Variants in MYO1D observed in about 807,000 individuals in gnomAD.
MYO1D encodes the protein unconventional myosin-Id.
In MYO1D, 83 loss-of-function variants were observed where a neutral mutation model predicts 122.0. The ratio of observed to expected loss-of-function variants is 0.68; its 90% confidence interval spans 0.57 to 0.82. The LOEUF (loss-of-function observed/expected upper bound fraction) is 0.82, where lower values mean the gene tolerates loss of function less well. Ranked by LOEUF, MYO1D falls within the 40% of genes least tolerant of loss-of-function variation. The pLI is 0.00. For missense variants in MYO1D, 1,157 were observed against 1,269.5 expected (o/e 0.91, Z 1.35); for synonymous variants, 464 against 446.9 (o/e 1.04, Z -0.48).
At chr17:32,774,691 T>C (rs2090156189) in intron 4 of MYO1D, among the ~76,000 whole-genome samples, 1 of 152,216 alleles carries the variant, frequency 6.6e-6, no homozygotes, top group Non-Finnish European at 1.5e-5. Flanking sequence ...AGTGAACTGA[T>C]GAAACATTCT....
At chr17:32,740,726 C>T (rs1381154554) in intron 13 of MYO1D, among the ~76,000 whole-genome samples, 3 of 152,164 alleles carry the variant, frequency 2.0e-5, no homozygotes, top group Non-Finnish European at 4.4e-5. Flanking sequence ...TCTCCCACCT[C>T]AGCCTCCCAA....
intron 1 of MYO1D, among the ~76,000 whole-genome samples, chr17:32,795,829 C>T (rs760060200): frequency 2.8e-4 from 43 of 152,050 alleles, no homozygotes; most frequent in African/African-American, 4.1e-4. Context: ...CGTCAGACTA[C>T]GACACTTCCT....
chr17:32,530,258 G>A (rs1910467593), intron 21 of MYO1D, among the ~76,000 whole-genome samples: 1 of 152,098 alleles, frequency 6.6e-6, no homozygotes, highest in African/African-American at 2.4e-5. Flanking sequence ...TATAAAATAG[G>A]CTTAATACAT....
At chr17:32,553,577 C>G (rs1398596506) in intron 21 of MYO1D, among the ~76,000 whole-genome samples, 1 of 152,172 alleles carries the variant, frequency 6.6e-6, no homozygotes, top group Non-Finnish European at 1.5e-5. Flanking sequence ...AGGTATCTTG[C>G]TAGAAAGTTC....
chr17:32,833,648 T>TC (rs1388221094), intron 1 of MYO1D, among the ~76,000 whole-genome samples: 1 of 152,156 alleles, frequency 6.6e-6, no homozygotes, highest in African/African-American at 2.4e-5. Context: ...CTGACCCTGA[T>TC]CCACCCACAG....
intron 21 of MYO1D, among the ~76,000 whole-genome samples, chr17:32,556,176 G>A (rs1444309160): frequency 6.6e-6 from 1 of 152,212 alleles, no homozygotes; most frequent in East Asian, 1.9e-4. Flanking sequence ...AAGACCAACT[G>A]CTTTGTAAAG....
chr17:32,713,286 AC>A (rs1181871632), intron 15 of MYO1D, among the ~76,000 whole-genome samples: 1 of 152,122 alleles, frequency 6.6e-6, no homozygotes, highest in Non-Finnish European at 1.5e-5. Flanking sequence ...CTGTTCCAAC[AC>A]TATTAAAAAG....
chr17:32,813,337 G>A (rs1772037690), intron 1 of MYO1D, among the ~76,000 whole-genome samples: 3 of 152,230 alleles, frequency 2.0e-5, no homozygotes, highest in Non-Finnish European at 2.9e-5. Context: ...AAAGGAAAAT[G>A]TAACAAAGGA....
At chr17:32,578,027 C>T (rs1329733201) in intron 21 of MYO1D, among the ~76,000 whole-genome samples, 1 of 152,230 alleles carries the variant, frequency 6.6e-6, no homozygotes, top group Non-Finnish European at 1.5e-5. Context: ...GCGTGAGCCA[C>T]CGCGCCCAGC....
chr17:32,512,013 A>C (rs898306770), intron 21 of MYO1D, among the ~76,000 whole-genome samples: 10 of 152,182 alleles, frequency 6.6e-5, no homozygotes, highest in Non-Finnish European at 1.0e-4. Context: ...TATTAAAAAG[A>C]GAGCTGGCTG....
At chr17:32,828,903 C>A (rs115044351) in intron 1 of MYO1D, among the ~76,000 whole-genome samples, 1 of 152,164 alleles carries the variant, frequency 6.6e-6, no homozygotes, top group South Asian at 2.1e-4. Context: ...GAGGCACACA[C>A]ATACAAGTCG....
intron 21 of MYO1D, among the ~76,000 whole-genome samples, chr17:32,572,825 G>A (rs760350918): frequency 4.6e-5 from 7 of 151,684 alleles, no homozygotes; most frequent in East Asian, 1.9e-4. Context: ...CCTTCTTCTC[G>A]TCATTCAAAT....
intron 21 of MYO1D, among the ~76,000 whole-genome samples, chr17:32,554,431 T>C (rs2087050198): frequency 6.6e-6 from 1 of 152,176 alleles, no homozygotes; most frequent in Admixed American, 6.5e-5. Context: ...ATCTTTGAAA[T>C]ACAGAAATCT....
At chr17:32,607,237 C>T (rs1022184241) in intron 20 of MYO1D, among the ~76,000 whole-genome samples, 1 of 151,764 alleles carries the variant, frequency 6.6e-6, no homozygotes, top group Non-Finnish European at 1.5e-5. Flanking sequence ...ACATGATTGC[C>T]TACATAGAAA....
chr17:32,578,362 A>G (rs2087298153), intron 21 of MYO1D, among the ~76,000 whole-genome samples: 1 of 152,216 alleles, frequency 6.6e-6, no homozygotes, highest in Non-Finnish European at 1.5e-5. Context: ...TCAGGATCAA[A>G]CACCCACATT....
chr17:32,829,601 G>A (rs1165367920), intron 1 of MYO1D, among the ~76,000 whole-genome samples: 3 of 152,170 alleles, frequency 2.0e-5, no homozygotes, highest in Non-Finnish European at 4.4e-5. Context: ...CTACAGAAGT[G>A]TGCCACCAAG....
intron 1 of MYO1D, among the ~76,000 whole-genome samples, chr17:32,838,029 T>A (rs1184814197): frequency 6.6e-6 from 1 of 152,172 alleles, no homozygotes; most frequent in Non-Finnish European, 1.5e-5. Flanking sequence ...AGATGTAATG[T>A]TCTTTGTGCT....
chr17:32,688,427 C>T (rs1212936438), intron 16 of MYO1D, among the ~76,000 whole-genome samples: 5 of 152,166 alleles, frequency 3.3e-5, no homozygotes, highest in Non-Finnish European at 7.3e-5. Context: ...TCCTGCTTCC[C>T]TTTGACTCAC....
At chr17:32,795,167 C>T (rs1320529262) in intron 1 of MYO1D, among the ~76,000 whole-genome samples, 1 of 152,050 alleles carries the variant, frequency 6.6e-6, no homozygotes, top group Non-Finnish European at 1.5e-5. Context: ...GTTTGAGACA[C>T]CTGAGAGACA....
Sources: allele counts gnomAD v4.1 joint callset (sites outside exome capture counted in the v4.1 genomes callset), GRCh38; gene constraint gnomAD v4.1.1; transcripts MANE v1.5; gene names NCBI Gene and HGNC (gene_info 2026-07-23, HGNC 2026-07-21).